Variants in ALDH8A1 observed in about 807,000 individuals in gnomAD.
The protein encoded by ALDH8A1 is aldehyde dehydrogenase 8 family member A1, also known as 2-aminomuconic semialdehyde dehydrogenase.
In ALDH8A1, 39 loss-of-function variants were observed where a neutral mutation model predicts 43.3. The ratio of observed to expected loss-of-function variants is 0.90; its 90% CI spans 0.70 to 1.18. ALDH8A1 has a LOEUF of 1.18. Ranked by LOEUF, ALDH8A1 falls within the 50% of genes most tolerant of loss-of-function variation. The probability of loss-of-function intolerance (pLI) is 0.00; values close to 1 mark genes in which losing one functional copy is unlikely to be tolerated. For missense variants in ALDH8A1, 605 were observed against 622.6 expected (o/e 0.97, Z 0.30); for synonymous variants, 233 against 243.5 (o/e 0.96, Z 0.40).
intron 1 of ALDH8A1, 164 bp from the exon 2 acceptor site, chr6:134,944,130 C>A: frequency 1.0e-6 from 1 of 960,564 alleles, no homozygotes; most frequent in Admixed American, 3.3e-5. Context: ...GGCAGTGGCG[C>A]AATTTTGGCT....
intron 3 of ALDH8A1, among the ~76,000 whole-genome samples, chr6:134,941,907 C>T (rs1260007063): frequency 6.6e-6 from 1 of 151,994 alleles, no homozygotes; most frequent in African/African-American, 2.4e-5. Context: ...ATTCTTTTCC[C>T]TATGATTTTC....
At chr6:134,943,748 C>T (rs1773901784) in intron 2 of ALDH8A1, 71 bp downstream of exon 2, 2 of 1,573,676 alleles carry the variant, frequency 1.3e-6, no homozygotes, top group Non-Finnish European at 1.7e-6. Context: ...GGCCTGATGG[C>T]CCCAAGAGGG....
intron 6 of ALDH8A1, among the ~76,000 whole-genome samples, chr6:134,928,785 A>C (rs1422868023): frequency 6.6e-6 from 1 of 152,154 alleles, no homozygotes; most frequent in Non-Finnish European, 1.5e-5. Flanking sequence ...TATGTTTTGA[A>C]ATTTGGCTTC....
At chr6:134,948,675 C>A (rs369538530) in intron 1 of ALDH8A1, among the ~76,000 whole-genome samples, 4 of 151,994 alleles carry the variant, frequency 2.6e-5, no homozygotes, top group African/African-American at 9.7e-5. Flanking sequence ...TTTTTCAAGC[C>A]GGAAAAAACT....
At chr6:134,931,264 T>C (rs1776981024) in intron 5 of ALDH8A1, among the ~76,000 whole-genome samples, 1 of 152,066 alleles carries the variant, frequency 6.6e-6, no homozygotes, top group African/African-American at 2.4e-5. Flanking sequence ...GTTTTGTTTG[T>C]TTGTTTGTTT....
At chr6:134,934,203 G>A (rs1261373966) in intron 4 of ALDH8A1, among the ~76,000 whole-genome samples, 1 of 152,140 alleles carries the variant, frequency 6.6e-6, no homozygotes, top group Non-Finnish European at 1.5e-5. Context: ...CTTGGCCAAA[G>A]CGATCCCAGA....
In ALDH8A1 at chr6:134,929,188, T is replaced by G; in HGVS notation, c.877A>C (p.Ile293Leu). The change falls in exon 6 of 7, where the codon ATC becomes CTC. Residue 293 changes from isoleucine to leucine, a missense_variant. Coordinates refer to ENST00000265605, the MANE Select transcript of ALDH8A1 (RefSeq NM_022568.4). ...CTATAGATGCTCTTCTGGACAAAGA[T>G]CCTGCTGGTACAGAGACAGATTTCA... ...QGEICLCTSR[I>L]FVQKSIYSEF... The G allele has an allele frequency of 6.2e-7, 1 of 1,614,128 alleles. No individual in the cohort carries two copies. The highest frequency in any genetic ancestry group is 1.1e-5 in the South Asian group (1 of 91,076).
At chr6:134,941,680 G>A (rs999553424) in intron 3 of ALDH8A1, among the ~76,000 whole-genome samples, 1 of 151,810 alleles carries the variant, frequency 6.6e-6, no homozygotes, top group Admixed American at 6.6e-5. Flanking sequence ...ATGAGCCACC[G>A]CGCCCGGTGA....
intron 1 of ALDH8A1, among the ~76,000 whole-genome samples, chr6:134,948,247 G>C (rs1325627980): frequency 2.6e-5 from 4 of 152,134 alleles, no homozygotes; most frequent in African/African-American, 9.7e-5. Flanking sequence ...CCAGAGGCTG[G>C]GAAGGGTAGA....
intron 6 of ALDH8A1, among the ~76,000 whole-genome samples, chr6:134,927,783 C>T (rs1776910710): frequency 6.6e-6 from 1 of 152,154 alleles, no homozygotes; most frequent in Admixed American, 6.5e-5. Context: ...TTGTTCCACT[C>T]CTTCCTGTTT....
chr6:134,944,923 A>ATATATAG (rs964441557), intron 1 of ALDH8A1, among the ~76,000 whole-genome samples: 1 of 147,778 alleles, frequency 6.8e-6, no homozygotes, highest in Non-Finnish European at 1.5e-5. Context: ...TATACTATAT[A>ATATATAG]TATATAGTAT....
chr6:134,947,302 T>G (rs1168054356), intron 1 of ALDH8A1, among the ~76,000 whole-genome samples: 1 of 152,154 alleles, frequency 6.6e-6, no homozygotes, highest in Non-Finnish European at 1.5e-5. Context: ...AAATACTTCA[T>G]GACACTGATT....
chr6:134,934,448 A>G lies in ALDH8A1; in HGVS notation c.593-1416T>C, dbSNP rs1452266671. ...TTGGATGTGACAGCTCACCAGTCTC[A>G]CAACACATCCCTTCCTAAAAACTGA... On this transcript the variant is annotated intron_variant, in intron 4 of 6. Transcript: ENST00000265605. Among the ~76,000 whole-genome samples the G allele has an allele frequency of 3.3e-5, 5 of 152,152 alleles. No homozygotes were observed. In the East Asian group the frequency reaches 9.6e-4, roughly 29 times the overall value.
rs1236709318 is a variant in ALDH8A1 at position 134,942,416 on chromosome 6, C to T, written c.435G>A (p.Val145=). 2 of 1,608,908 alleles carry T rather than the reference C, an allele frequency of 1.2e-6. No individual in the cohort carries two copies. Among genetic ancestry groups the T allele is most frequent in the East Asian group, 2.2e-5 (1 of 44,748 alleles). The stretch of plus-strand genomic sequence containing the variant: ...TCACTGAACAGCACTCACCGACTCC[C>T]ACCGGGGCCCGCACCGTGTAGTGCA... ...GCMHYTVRAP[V]GVAGLISPWN... Residue 145 remains valine (V), a synonymous_variant, in exon 3 of 7, where the codon GTG becomes GTA. Transcript: ENST00000265605.
intron 2 of ALDH8A1, among the ~76,000 whole-genome samples, chr6:134,942,898 C>T (rs1384487084): frequency 2.6e-5 from 4 of 152,208 alleles, no homozygotes; most frequent in South Asian, 4.1e-4. Context: ...TTTGTACCTG[C>T]GACAAAGGCA....
intron 6 of ALDH8A1, among the ~76,000 whole-genome samples, chr6:134,920,238 T>C (rs1776777208): frequency 6.6e-6 from 1 of 152,206 alleles, no homozygotes; most frequent in Non-Finnish European, 1.5e-5. Context: ...GGTACAGATT[T>C]ATATTCCCTT....
intron 3 of ALDH8A1, among the ~76,000 whole-genome samples, chr6:134,939,631 A>G (rs926724330): frequency 5.3e-5 from 8 of 152,266 alleles, no homozygotes; most frequent in African/African-American, 1.7e-4. Context: ...GAGTAAAGTC[A>G]ATATGATTTC....
chr6:134,945,258 G>A (rs1033419004), intron 1 of ALDH8A1, among the ~76,000 whole-genome samples: 3 of 152,084 alleles, frequency 2.0e-5, no homozygotes, highest in Non-Finnish European at 4.4e-5. Context: ...ATTTGCCATA[G>A]GTCACACAGC....
At chr6:134,948,409 T>C (rs562654941) in intron 1 of ALDH8A1, among the ~76,000 whole-genome samples, 1 of 152,296 alleles carries the variant, frequency 6.6e-6, no homozygotes, top group Non-Finnish European at 1.5e-5. Flanking sequence ...AAATGATAAA[T>C]GTTTAATGTG....
Sources: allele counts gnomAD v4.1 joint callset (sites outside exome capture counted in the v4.1 genomes callset), GRCh38; gene constraint gnomAD v4.1.1; transcripts MANE v1.5; gene names NCBI Gene and HGNC (gene_info 2026-07-23, HGNC 2026-07-21).